Variants in SEC14L3 observed in about 807,000 individuals in gnomAD.
SEC14L3 encodes SEC14 like lipid binding 3.
Under a neutral mutation model 57.4 loss-of-function variants are expected in SEC14L3, and 56 were observed. The ratio of observed to expected loss-of-function variants is 0.97; its 90% confidence interval spans 0.79 to 1.22. The LOEUF (loss-of-function observed/expected upper bound fraction) is 1.22. SEC14L3 is among the 50% of genes most tolerant of loss of function. SEC14L3 has a pLI of 0.00. For synonymous variants in SEC14L3, 173 were observed against 194.4 expected, an observed-to-expected ratio of 0.89 and a Z score of 0.92; for missense variants, 485 against 511.7, an observed-to-expected ratio of 0.95 and a Z score of 0.50.
exon 13 of SEC14L3, chr22:30,449,163 T>C: frequency 6.4e-7 from 1 of 1,550,396 alleles, no homozygotes. Context: ...CACTTGCGAG[T>C]TTGAGTGTGA....
At chr22:30,451,482 G>C (rs1027984539) in intron 12 of SEC14L3, among the ~76,000 whole-genome samples, 2 of 152,088 alleles carry the variant, frequency 1.3e-5, no homozygotes, top group Non-Finnish European at 2.9e-5. Context: ...GGTAAACCAG[G>C]CTCCAAAGAG....
chr22:30,459,599 C>A lies in SEC14L3; in HGVS notation c.*422G>T. The stretch of plus-strand genomic sequence containing the variant: ...CCTTCTGGTCCTCCATTCAATGCCA[C>A]AAATATACACTGAGCATCTACTATA... On this transcript the variant is annotated 3_prime_UTR_variant, in exon 12 of 12. Coordinates refer to ENST00000215812, the MANE Select transcript of SEC14L3 (RefSeq NM_174975.5). 1 of 989,526 alleles carries A rather than the reference C, an allele frequency of 1.0e-6. No homozygotes were observed. The highest frequency in any genetic ancestry group is 1.2e-6 in the Non-Finnish European group (1 of 832,090). The allele number at this position is 989,526 out of a possible 1,614,324, so 61.3% of individuals were successfully genotyped here. A position where few individuals can be genotyped will look rare whatever the true frequency, so the allele number is the denominator to read the frequency against.
intron 11 of SEC14L3, 126 bp from the exon 12 acceptor site, chr22:30,460,268 C>G: frequency 1.3e-6 from 2 of 1,498,780 alleles, no homozygotes; most frequent in South Asian, 2.7e-5. Context: ...GCCAAGCTCC[C>G]ACCACGCCTC....
At position 30,468,677 on chromosome 22, in the gene SEC14L3, G is replaced by A; in HGVS notation, c.254C>T (p.Pro85Leu). 6.2e-7 allele frequency: 1 copy of A among 1,613,640 alleles called. No homozygotes were observed. ...QPPEVIQKYM[P>L]GGLCGYDRDG... Reference sequence around the variant, plus strand: ...ACGGTCATAGCCACACAGGCCCCCAGGCATGTACTTCTGGATCACCTGGGC... The same window carrying A: ...ACGGTCATAGCCACACAGGCCCCCAAGCATGTACTTCTGGATCACCTGGGC... The change falls in exon 5 of 12, where the codon CCT becomes CTT. Residue 85 changes from proline to leucine, a missense_variant. Physicochemically the swap from Pro to Leu is moderately conservative, Grantham distance 98. Transcript: ENST00000215812.
In SEC14L3 at chr22:30,468,574, G is replaced by T; in HGVS notation, c.357C>A (p.Asp119Glu). Residue 119 changes from aspartate to glutamate, a missense_variant, in exon 5 of 12, where the codon GAC (aspartate) becomes GAA (glutamate). By Grantham distance (45) the Asp-to-Glu change is conservative. Coordinates refer to ENST00000215812, the MANE Select transcript of SEC14L3 (RefSeq NM_174975.5). ...AGTCCCTCATCTTGGTCTTGAGCAG[G>T]TCCTGCTTGGTGACTGAGAAGAGCA... ...KGLLFSVTKQ[D>E]LLKTKMRDCE... The T allele has an allele frequency of 6.2e-7, 1 of 1,613,880 alleles. No individual in the cohort carries two copies. Among genetic ancestry groups the T allele is most frequent in the Non-Finnish European group, 8.5e-7 (1 of 1,180,018 alleles).
Position 30,471,283 on chromosome 22 carries a change from A to C in SEC14L3, c.54+622T>G, listed in dbSNP as rs1453987310. 8.8e-6 allele frequency: 4 copies of C among 455,800 alleles called. No individual in the cohort carries two copies. In the East Asian group the frequency reaches 2.8e-4, roughly 32 times the overall value. The allele number at this position is 455,800 out of a possible 1,614,324, so 28.2% of individuals were successfully genotyped here. A position where few individuals can be genotyped will look rare whatever the true frequency, so the allele number is the denominator to read the frequency against. On this transcript the variant is annotated intron_variant, in intron 1 of 11. Coordinates refer to ENST00000215812, the MANE Select transcript of SEC14L3 (RefSeq NM_174975.5). ...CTGGATGACAGAGACTCCATCTCAA[A>C]AAAAAGAAGAAAAAGAAGAAGAAAG... is the stretch of plus-strand genomic sequence containing the variant.
intron 4 of SEC14L3, chr22:30,469,035 T>C (rs1421859405): frequency 5.7e-6 from 7 of 1,233,170 alleles, no homozygotes; most frequent in Middle Eastern, 3.0e-4. Flanking sequence ...AAACAGACAC[T>C]GGCTGGGCAT....
At position 30,459,923 on chromosome 22, in the gene SEC14L3, T is replaced by G; in HGVS notation, c.*98A>C. The G allele has an allele frequency of 1.3e-6, 2 of 1,516,416 alleles. No homozygotes were observed. The highest frequency in any genetic ancestry group is 1.8e-6 in the Non-Finnish European group (2 of 1,127,776). 93.9% of individuals were successfully genotyped at this position (1,516,416 alleles called of 1,614,324 possible). On this transcript the variant is annotated 3_prime_UTR_variant, in exon 12 of 12. Transcript: ENST00000215812. ...TTCTGTACTCACTAACGTCACAGAG[T>G]CAGGAGGACTAACAATCAATTTCAG...
In SEC14L3 at chr22:30,461,484, C is replaced by T; in HGVS notation, c.912-5G>A. On this transcript the variant is annotated splice_region_variant and splice_polypyrimidine_tract_variant and intron_variant, in intron 10 of 11. Transcript: ENST00000215812. ...CCATCAGATGAGAACTGCCACCTGT[C>T]AGGGGGAGGGGGAGGAGACAGGTTG... The T allele has an allele frequency of 6.2e-7, 1 of 1,613,082 alleles. No homozygotes were observed. The highest frequency in any genetic ancestry group is 8.5e-7 in the Non-Finnish European group (1 of 1,179,402).
At chr22:30,460,213 A>G in intron 11 of SEC14L3, 71 bp from the exon 12 acceptor site, 1 of 1,577,872 alleles carries the variant, frequency 6.3e-7, no homozygotes, top group East Asian at 2.3e-5. Flanking sequence ...CTGGCCATGG[A>G]GGAGGACAGG....
At chr22:30,471,068 T>TGA in intron 1 of SEC14L3, 1 of 321,542 alleles carries the variant, frequency 3.1e-6, no homozygotes, top group South Asian at 2.4e-5. Context: ...GTGGATCACC[T>TGA]GAGGTCAGGA....
intron 1 of SEC14L3, among the ~76,000 whole-genome samples, 182 bp downstream of exon 1, chr22:30,471,723 C>T (rs963683906): frequency 2.0e-5 from 3 of 152,220 alleles, no homozygotes; most frequent in Admixed American, 6.5e-5. Flanking sequence ...CCTCAACCCC[C>T]GCCCGGGACA....
At position 30,469,967 on chromosome 22, in the gene SEC14L3, C is replaced by A. The variant is rs185317961; in HGVS notation, c.234+52G>T. On this transcript the variant is annotated intron_variant, in intron 4 of 11. Transcript: ENST00000215812. ...GCCCCTCATTCATGGTCCCCAGTGA[C>A]CTTGAGTGGTACGTCCGTGAAAGAC... The A allele has an allele frequency of 8.5e-5, 118 of 1,387,180 alleles. 1 individual carries two copies. The Middle Eastern group carries it at 2.3e-3, about 27-fold the overall frequency. The allele number at this position is 1,387,180 out of a possible 1,614,324, so 85.9% of individuals were successfully genotyped here.
chr22:30,462,411 CT>C (rs904479070), intron 8 of SEC14L3: 31 of 246,280 alleles, frequency 1.3e-4, no homozygotes, highest in Non-Finnish European at 1.9e-4. Context: ...TGAATCAGCA[CT>C]TTTTTTTTCT....
intron 12 of SEC14L3, among the ~76,000 whole-genome samples, chr22:30,449,909 T>C (rs1461127600): frequency 6.6e-6 from 1 of 152,074 alleles, no homozygotes; most frequent in Non-Finnish European, 1.5e-5. Flanking sequence ...GAGGAAATAC[T>C]CCTGGATCAG....
intron 4 of SEC14L3, 66 bp downstream of exon 4, chr22:30,469,953 A>T: frequency 7.9e-7 from 1 of 1,268,982 alleles, no homozygotes; most frequent in Non-Finnish European, 1.1e-6. Context: ...CCCCTCATTC[A>T]TGGTCCCCAG....
chr22:30,451,682 C>T (rs543565421), intron 12 of SEC14L3, among the ~76,000 whole-genome samples: 9 of 151,912 alleles, frequency 5.9e-5, no homozygotes, highest in Non-Finnish European at 1.2e-4. Context: ...CCTGCACTTA[C>T]GAGATCAAGA....
At chr22:30,467,543 G>A (rs1160819313) in intron 5 of SEC14L3, among the ~76,000 whole-genome samples, 1 of 152,196 alleles carries the variant, frequency 6.6e-6, no homozygotes, top group African/African-American at 2.4e-5. Context: ...GAGATGACAA[G>A]CAACCAGGTC....
chr22:30,470,342 C>T (rs796404568), intron 2 of SEC14L3, 87 bp from the exon 3 acceptor site: 36 of 1,590,116 alleles, frequency 2.3e-5, no homozygotes, highest in African/African-American at 1.1e-4. Flanking sequence ...ACACTGGGGG[C>T]CTGGGTGAGA....
Sources: gnomAD v4.1 joint callset for allele counts (sites outside exome capture counted in the v4.1 genomes callset) on GRCh38, gnomAD v4.1.1 for gene constraint, MANE v1.5 for transcripts, NCBI Gene and HGNC (gene_info 2026-07-23, HGNC 2026-07-21) for gene names.